The following MFN1 variants were observed in gnomAD, a reference collection of about 807,000 sequenced individuals.
MFN1 encodes the protein mitofusin-1.
A neutral mutation model predicts 92.4 loss-of-function variants in MFN1; 65 were observed. That is an observed-to-expected ratio of 0.70 (90% CI 0.58 to 0.86). MFN1 has a LOEUF of 0.86. Ranked by LOEUF, MFN1 falls within the 40% of genes least tolerant of loss-of-function variation. The pLI, the probability that MFN1 is intolerant of heterozygous loss-of-function variation, is 0.00. For missense variants in MFN1, 781 were observed against 868.0 expected (o/e 0.90, Z 1.26); for synonymous variants, 297 against 300.9 (o/e 0.99, Z 0.13).
chr3:179,347,994 G>GAGCCCACGA (rs1175348901), intron 1 of MFN1, 184 bp downstream of exon 1: 2 of 152,284 alleles, frequency 1.3e-5, no homozygotes, highest in East Asian at 3.9e-4. Context: ...CGAGCCCACG[G>GAGCCCACGA]AGCCCACGAG....
At chr3:179,371,803 A>G (rs950488987) in intron 9 of MFN1, among the ~76,000 whole-genome samples, 1 of 151,994 alleles carries the variant, frequency 6.6e-6, no homozygotes, top group Admixed American at 6.6e-5. Context: ...TTTGTTAGAT[A>G]ATAGTATTGT....
chr3:179,376,167 C>CTT (rs569220144), intron 10 of MFN1, among the ~76,000 whole-genome samples: 121 of 152,286 alleles, frequency 7.9e-4, no homozygotes, highest in African/African-American at 2.8e-3. Context: ...ATGGTACTTT[C>CTT]TTAGGAATGA....
At position 179,377,335 on chromosome 3, in the gene MFN1, T is replaced by C; in HGVS notation, c.1225-9T>C. The C allele has an allele frequency of 1.3e-6, 2 of 1,579,986 alleles. No individual in the cohort carries two copies. The highest frequency in any genetic ancestry group is 1.7e-6 in the Non-Finnish European group (2 of 1,166,528). ...AATTATTTTAACTCCAAAATTTTCA[T>C]ATTTTCAGGTTTCATGTGCAATGAC... On this transcript the variant is annotated splice_polypyrimidine_tract_variant and intron_variant, in intron 11 of 17. Transcript: ENST00000471841.
At chr3:179,348,988 G>A (rs771271897) in intron 2 of MFN1, 25 bp downstream of exon 2, 7 of 1,550,128 alleles carry the variant, frequency 4.5e-6, no homozygotes, top group Non-Finnish European at 6.2e-6. Context: ...AGTTTTTAAA[G>A]TAATTACTGT....
intron 4 of MFN1, chr3:179,359,692 A>T (rs1435633982): frequency 7.2e-6 from 1 of 138,188 alleles, no homozygotes; most frequent in Non-Finnish European, 1.5e-5. Context: ...CATCCGCCTC[A>T]GCCTCCCAAA....
At chr3:179,373,089 A>G (rs1345405073) in intron 9 of MFN1, among the ~76,000 whole-genome samples, 1 of 152,224 alleles carries the variant, frequency 6.6e-6, no homozygotes, top group Non-Finnish European at 1.5e-5. Flanking sequence ...GAGCTTCACC[A>G]TGGGAAAAAA....
rs1311772160 is a variant in MFN1, at chr3:179,362,371, TGGCCC to T, written c.426_430del (p.Ala143CysfsTer29). ...CTCCTGCTTTAGACAGTTAATCAACTGGCCCATGCCCTTCACATGGACAAAGATTT... is the reference window on the plus strand; with the variant it reads ...CTCCTGCTTTAGACAGTTAATCAACTATGCCCTTCACATGGACAAAGATTT... On this transcript the variant is annotated frameshift_variant, in exon 5 of 18. Transcript: ENST00000471841. LOFTEE classifies it high-confidence loss of function. 6.2e-7 allele frequency: 1 copy of T among 1,608,546 alleles called. No individual in the cohort carries two copies. Among genetic ancestry groups the T allele is most frequent in the Non-Finnish European group, 8.5e-7 (1 of 1,178,238 alleles).
chr3:179,351,448 G>A (rs925543245), intron 2 of MFN1, among the ~76,000 whole-genome samples: 2 of 152,200 alleles, frequency 1.3e-5, no homozygotes, highest in African/African-American at 4.8e-5. Flanking sequence ...TGGTAAAGTA[G>A]CAAGGTCTTT....
chr3:179,359,114 T>A, intron 4 of MFN1, 112 bp downstream of exon 4: 1 of 1,224,818 alleles, frequency 8.2e-7, no homozygotes, highest in Non-Finnish European at 1.1e-6. Context: ...TAAAAAGAAC[T>A]GTTAATATTT....
At chr3:179,371,961 A>G (rs912707860) in intron 9 of MFN1, among the ~76,000 whole-genome samples, 2 of 150,574 alleles carry the variant, frequency 1.3e-5, no homozygotes, top group African/African-American at 4.9e-5. Context: ...ATACATAAGT[A>G]TATATAAAAA....
intron 14 of MFN1, among the ~76,000 whole-genome samples, chr3:179,384,202 T>C (rs1205175105): frequency 6.6e-6 from 1 of 152,242 alleles, no homozygotes; most frequent in Admixed American, 6.5e-5. Flanking sequence ...CCATTATAGA[T>C]ACAACACTAT....
At position 179,368,078 on chromosome 3, in the gene MFN1, T is replaced by C; in HGVS notation, c.950T>C (p.Phe317Ser). The stretch of plus-strand genomic sequence containing the variant: ...GGATTTCATGCAAGATTACAGGAAT[T>C]TCAGAATTTTGAACAAATCTTTGAG... Reference protein sequence around the residue: ...AEGFHARLQEFQNFEQIFEEC... With the variant: ...AEGFHARLQESQNFEQIFEEC... The change falls in exon 9 of 18, where the codon TTT (phenylalanine) becomes TCT (serine). Residue 317 changes from phenylalanine to serine, a missense_variant. By Grantham distance (155) the Phe-to-Ser change is radical. Coordinates refer to ENST00000471841, the MANE Select transcript of MFN1 (RefSeq NM_033540.3). 2 of 1,574,588 alleles carry C rather than the reference T, an allele frequency of 1.3e-6. No individual in the cohort carries two copies. The highest frequency in any genetic ancestry group is 1.7e-6 in the Non-Finnish European group (2 of 1,158,446).
At chr3:179,378,876 C>T in intron 14 of MFN1, 62 bp downstream of exon 14, 1 of 1,296,218 alleles carries the variant, frequency 7.7e-7, no homozygotes, top group Non-Finnish European at 1.1e-6. Flanking sequence ...TGTGGTTTTT[C>T]TATAATAAAA....
intron 3 of MFN1, among the ~76,000 whole-genome samples, chr3:179,352,645 T>C (rs1434380354): frequency 6.6e-6 from 1 of 152,216 alleles, no homozygotes; most frequent in Non-Finnish European, 1.5e-5. Flanking sequence ...CTTATGTAAA[T>C]CTCTTTTTGC....
intron 14 of MFN1, among the ~76,000 whole-genome samples, chr3:179,382,700 T>G (rs1382382897): frequency 6.6e-6 from 1 of 152,184 alleles, no homozygotes; most frequent in Non-Finnish European, 1.5e-5. Flanking sequence ...AGTGTAAAAG[T>G]GTTCCTATTT....
At chr3:179,384,914 T>TG (rs1713614881) in intron 14 of MFN1, among the ~76,000 whole-genome samples, 1 of 147,102 alleles carries the variant, frequency 6.8e-6, no homozygotes, top group Non-Finnish European at 1.5e-5. Context: ...TTTTTTTTTT[T>TG]TTTTTTTTTG....
intron 9 of MFN1, among the ~76,000 whole-genome samples, chr3:179,369,163 T>G (rs1376626651): frequency 6.6e-6 from 1 of 151,940 alleles, no homozygotes; most frequent in Non-Finnish European, 1.5e-5. Flanking sequence ...CTATTGTTTG[T>G]TTTTTTTCTT....
At chr3:179,382,608 G>A (rs1470476063) in intron 14 of MFN1, among the ~76,000 whole-genome samples, 2 of 152,156 alleles carry the variant, frequency 1.3e-5, no homozygotes, top group Non-Finnish European at 2.9e-5. Flanking sequence ...GGCTGGGTCA[G>A]ATAGTATTTC....
intron 17 of MFN1, among the ~76,000 whole-genome samples, chr3:179,391,686 A>G (rs1713907101): frequency 6.6e-6 from 1 of 152,206 alleles, no homozygotes; most frequent in African/African-American, 2.4e-5. Flanking sequence ...TGCATCAAGG[A>G]TGAATCTAGT....
Sources: gnomAD v4.1 joint callset for allele counts (sites outside exome capture counted in the v4.1 genomes callset) on GRCh38, gnomAD v4.1.1 for gene constraint, MANE v1.5 for transcripts, NCBI Gene and HGNC (gene_info 2026-07-23, HGNC 2026-07-21) for gene names.